Variants in ZDHHC3 observed in about 807,000 individuals in gnomAD.
ZDHHC3 encodes the protein zDHHC palmitoyltransferase 3, also known as palmitoyltransferase ZDHHC3.
Under a neutral mutation model 30.6 loss-of-function variants are expected in ZDHHC3, and 9 were observed. That is an observed-to-expected ratio of 0.29 (90% CI 0.18 to 0.51). The LOEUF (loss-of-function observed/expected upper bound fraction) is 0.51, where lower values mean the gene tolerates loss of function less well. Ranked by LOEUF, ZDHHC3 falls within the 20% of genes least tolerant of loss-of-function variation. ZDHHC3 has a pLI of 0.97. For missense variants in ZDHHC3, 246 were observed against 384.2 expected (o/e 0.64, Z 3.01); for synonymous variants, 136 against 140.2 (o/e 0.97, Z 0.21).
At chr3:44,943,735 G>A (rs1702650542) in intron 3 of ZDHHC3, among the ~76,000 whole-genome samples, 1 of 152,194 alleles carries the variant, frequency 6.6e-6, no homozygotes, top group Non-Finnish European at 1.5e-5. Context: ...GTCAGTCGAG[G>A]TGGCTCACAC....
At chr3:44,933,652 C>G (rs567355079) in intron 4 of ZDHHC3, among the ~76,000 whole-genome samples, 55 of 152,168 alleles carry the variant, frequency 3.6e-4, no homozygotes, top group Non-Finnish European at 6.9e-4. Flanking sequence ...GAATGGGAGC[C>G]CAGAATACAG....
In ZDHHC3 at chr3:44,920,831, A is replaced by G; in HGVS notation, c.*5858T>C. On this transcript the variant is annotated 3_prime_UTR_variant, in exon 7 of 7. Transcript: ENST00000424952. ...CCAGACAGAGCCTGGCCTGTCTACC[A>G]GAGGTCTTCAGCAGTAAAGTCGACA... 2.0e-6 allele frequency: 2 copies of G among 985,428 alleles called. No homozygotes were observed. Among genetic ancestry groups the G allele is most frequent in the Non-Finnish European group, 2.4e-6 (2 of 829,936 alleles). 61.0% of individuals were successfully genotyped at this position (985,428 alleles called of 1,614,324 possible).
At position 44,921,046 on chromosome 3, in the gene ZDHHC3, G is replaced by A; in HGVS notation, c.*5643C>T. On this transcript the variant is annotated 3_prime_UTR_variant, in exon 7 of 7. Transcript: ENST00000424952. ...CAGAGGAGCAGTAATAGTAGCTTCA[G>A]GCTCAAGAGAACGAACAAAAATGGT... is the stretch of plus-strand genomic sequence containing the variant. The A allele has an allele frequency of 2.0e-6, 2 of 985,456 alleles. No individual in the cohort carries two copies. Among genetic ancestry groups the A allele is most frequent in the African/African-American group, 3.5e-5 (2 of 57,370 alleles). The allele number at this position is 985,456 out of a possible 1,614,324, so 61.0% of individuals were successfully genotyped here. A position where few individuals can be genotyped will look rare whatever the true frequency, so the allele number is the denominator to read the frequency against.
intron 3 of ZDHHC3, chr3:44,938,411 G>T: frequency 4.6e-6 from 1 of 219,710 alleles, no homozygotes; most frequent in Non-Finnish European, 9.6e-6. Flanking sequence ...GGGCTGCCAA[G>T]TTGGTGGCCG....
chr3:44,946,428 T>C (rs1702938060), intron 2 of ZDHHC3, among the ~76,000 whole-genome samples: 1 of 152,206 alleles, frequency 6.6e-6, no homozygotes. Context: ...AAGAGCCTGC[T>C]TGGTGCTGAG....
intron 1 of ZDHHC3, among the ~76,000 whole-genome samples, chr3:44,968,517 A>G (rs1246445049): frequency 6.6e-6 from 1 of 152,176 alleles, no homozygotes; most frequent in Non-Finnish European, 1.5e-5. Context: ...CAATATAGCG[A>G]GACCTCATCT....
intron 2 of ZDHHC3, among the ~76,000 whole-genome samples, chr3:44,946,072 A>G (rs1185263163): frequency 6.6e-6 from 1 of 152,202 alleles, no homozygotes; most frequent in African/African-American, 2.4e-5. Flanking sequence ...CAGTTTCCCC[A>G]GATCAAAATT....
Position 44,924,692 on chromosome 3 carries a change from G to C in ZDHHC3, c.*1997C>G, listed in dbSNP as rs1055917267. On this transcript the variant is annotated 3_prime_UTR_variant, in exon 7 of 7. Transcript: ENST00000424952. ...AGTATTACCAATCTCTTCCCCCTAG[G>C]GGAGGGCCAGAGCTGTAGCCCTGCT... 1 of 985,334 alleles carries C rather than the reference G, an allele frequency of 1.0e-6. No individual in the cohort carries two copies. The highest frequency in any genetic ancestry group is 1.7e-5 in the African/African-American group (1 of 57,230). 61.0% of individuals were successfully genotyped at this position (985,334 alleles called of 1,614,324 possible).
Position 44,924,793 on chromosome 3 carries a change from A to G in ZDHHC3, c.*1896T>C, listed in dbSNP as rs1244641039. ...TGTTATGAAAAAATTTTAAAAAAGC[A>G]TATGGAAAACAAATGCTATCAACTT... On this transcript the variant is annotated 3_prime_UTR_variant, in exon 7 of 7. Transcript: ENST00000424952. 4.1e-6 allele frequency: 4 copies of G among 985,390 alleles called. No individual in the cohort carries two copies. The highest frequency in any genetic ancestry group is 1.1e-4 in the East Asian group (1 of 8,834). 61.0% of individuals were successfully genotyped at this position (985,390 alleles called of 1,614,324 possible). A position where few individuals can be genotyped will look rare whatever the true frequency, so the allele number is the denominator to read the frequency against.
Position 44,918,142 on chromosome 3 carries a change from C to T in ZDHHC3, c.*8547G>A, listed in dbSNP as rs1057370328. The T allele has an allele frequency of 3.1e-6, 4 of 1,303,746 alleles. No individual in the cohort carries two copies. Among genetic ancestry groups the T allele is most frequent in the East Asian group, 5.6e-5 (1 of 17,960 alleles). The allele number at this position is 1,303,746 out of a possible 1,614,324, so 80.8% of individuals were successfully genotyped here. On this transcript the variant is annotated 3_prime_UTR_variant, in exon 7 of 7. Transcript: ENST00000424952. ...GTTCTTTCGTTTGAGGCGCTCGATGCCCTGCAGGGAGAAGGGGATGAAGAA... is the reference window on the plus strand; with the variant it reads ...GTTCTTTCGTTTGAGGCGCTCGATGTCCTGCAGGGAGAAGGGGATGAAGAA...
In ZDHHC3 at chr3:44,933,854, T is replaced by C. The variant is rs555008524; in HGVS notation, c.528+34A>G. The C allele has an allele frequency of 9.4e-5, 150 of 1,591,796 alleles. 1 individual carries two copies. The South Asian group carries it at 9.8e-4, about 10-fold the overall frequency. On this transcript the variant is annotated intron_variant, in intron 4 of 6. Transcript: ENST00000424952. ...AGGAACAAAGTGCTCCATTGCTTCATGGGGGGCAGGGCAGAATTTGCAAGC... is the reference window on the plus strand; with the variant it reads ...AGGAACAAAGTGCTCCATTGCTTCACGGGGGGCAGGGCAGAATTTGCAAGC...
intron 3 of ZDHHC3, among the ~76,000 whole-genome samples, chr3:44,940,259 G>T (rs1012835892): frequency 2.0e-5 from 3 of 152,162 alleles, no homozygotes; most frequent in Non-Finnish European, 2.9e-5. Flanking sequence ...AGGGGGCTCA[G>T]CAGTGTTCCC....
In ZDHHC3 at chr3:44,926,552, G is replaced by GC; in HGVS notation, c.*136dup. The GC allele has an allele frequency of 7.9e-7, 1 of 1,264,420 alleles. No homozygotes were observed. The highest frequency in any genetic ancestry group is 1.0e-6 in the Non-Finnish European group (1 of 1,000,120). The allele number at this position is 1,264,420 out of a possible 1,614,324, so 78.3% of individuals were successfully genotyped here. ...CTTTTTTTTTTCTCTGCAATGCTCA[G>GC]CCATTTTACTTGAGACATAAAAAAA... On this transcript the variant is annotated 3_prime_UTR_variant, in exon 7 of 7. Transcript: ENST00000424952.
In ZDHHC3 at chr3:44,922,044, T is replaced by A. The variant is rs957292634; in HGVS notation, c.*4645A>T. On this transcript the variant is annotated 3_prime_UTR_variant, in exon 7 of 7. Transcript: ENST00000424952. The stretch of plus-strand genomic sequence containing the variant: ...TGCTACGGCAATCACACTGCTCAAG[T>A]CAGCAAGATGTTTACTTGAGGGAGA... 1 of 985,312 alleles carries A rather than the reference T, an allele frequency of 1.0e-6. No homozygotes were observed. Among genetic ancestry groups the A allele is most frequent in the African/African-American group, 1.7e-5 (1 of 57,232 alleles). The allele number at this position is 985,312 out of a possible 1,614,324, so 61.0% of individuals were successfully genotyped here. A position where few individuals can be genotyped will look rare whatever the true frequency, so the allele number is the denominator to read the frequency against.
chr3:44,938,712 C>A (rs1385714635), intron 3 of ZDHHC3, among the ~76,000 whole-genome samples: 1 of 152,266 alleles, frequency 6.6e-6, no homozygotes, highest in Non-Finnish European at 1.5e-5. Context: ...ACAGTGCTGG[C>A]TAAGCTCTTG....
rs1277086211 is a variant in ZDHHC3 at position 44,923,489 on chromosome 3, C to G, written c.*3200G>C. 2 of 985,226 alleles carry G rather than the reference C, an allele frequency of 2.0e-6. No individual in the cohort carries two copies. The highest frequency in any genetic ancestry group is 2.4e-6 in the Non-Finnish European group (2 of 829,930). The allele number at this position is 985,226 out of a possible 1,614,324, so 61.0% of individuals were successfully genotyped here. A position where few individuals can be genotyped will look rare whatever the true frequency, so the allele number is the denominator to read the frequency against. ...AGTGGCCTAGCCAGATGAGCAAAAG[C>G]TAATACTTGGGGCTTTTTCAAGAAG... On this transcript the variant is annotated 3_prime_UTR_variant, in exon 7 of 7. Coordinates refer to ENST00000424952, the MANE Select transcript of ZDHHC3 (RefSeq NM_001135179.2).
At chr3:44,971,747 T>G (rs1164912282) in intron 1 of ZDHHC3, among the ~76,000 whole-genome samples, 1 of 152,170 alleles carries the variant, frequency 6.6e-6, no homozygotes, top group Non-Finnish European at 1.5e-5. Flanking sequence ...TTCCTCTAAT[T>G]AAGAGTAAGC....
chr3:44,933,322 G>A, intron 4 of ZDHHC3, 123 bp from the exon 5 acceptor site: 1 of 851,368 alleles, frequency 1.2e-6, no homozygotes, highest in Non-Finnish European at 1.9e-6. Flanking sequence ...GGCCTGACCA[G>A]GAGGGACCAG....
rs968031179 is a variant in ZDHHC3 at position 44,924,870 on chromosome 3, G to A, written c.*1819C>T. ...TAATCTTAGCATCTCAGCCTCGCCC[G>A]TATCGCATGAATAGCACCGTAGACA... On this transcript the variant is annotated 3_prime_UTR_variant, in exon 7 of 7. Transcript: ENST00000424952. The A allele has an allele frequency of 4.1e-6, 4 of 985,394 alleles. No individual in the cohort carries two copies. The highest frequency in any genetic ancestry group is 6.2e-5 in the Admixed American group (1 of 16,250). 61.0% of individuals were successfully genotyped at this position (985,394 alleles called of 1,614,324 possible).
Sources: gnomAD v4.1 joint callset for allele counts (sites outside exome capture counted in the v4.1 genomes callset) on GRCh38, gnomAD v4.1.1 for gene constraint, MANE v1.5 for transcripts, NCBI Gene and HGNC (gene_info 2026-07-23, HGNC 2026-07-21) for gene names.